The following WHR1 variants were observed in gnomAD, a reference collection of about 807,000 sequenced individuals.
WHR1 encodes the protein winged helix repair factor 1.
chr6:31,979,400 A>G, the WHR1 span: 1 of 1,612,796 alleles, frequency 6.2e-7, no homozygotes, highest in African/African-American at 1.3e-5. Flanking sequence ...CATGTCTCTC[A>G]TCTCTGCTTG....
chr6:31,980,965 C>T, the WHR1 span: 2 of 613,228 alleles, frequency 3.3e-6, no homozygotes, highest in Non-Finnish European at 5.4e-6. Context: ...CAGCTTGAGC[C>T]TAGGCGTCTG....
the WHR1 span, chr6:31,972,341 C>G: frequency 1.8e-5 from 29 of 1,613,140 alleles, 2 homozygotes; most frequent in South Asian, 3.2e-4. The surrounding 1 kb of genome is among the most constrained non-coding windows in gnomAD (Gnocchi z 6.3). Context: ...TGCTCTGCGC[C>G]GGAAGACCCT....
At chr6:31,974,533 C>T in the WHR1 span, among the ~76,000 whole-genome samples, 1 of 152,176 alleles carries the variant, frequency 6.6e-6, no homozygotes, top group East Asian at 1.9e-4. Context: ...GCCTGGGCAA[C>T]AAAGTGAGAC....
the WHR1 span, among the ~76,000 whole-genome samples, chr6:31,978,578 C>T: frequency 1.3e-5 from 2 of 152,226 alleles, no homozygotes; most frequent in African/African-American, 4.8e-5. Flanking sequence ...CTCCTCCCCA[C>T]CTTACCCTAC....
the WHR1 span, among the ~76,000 whole-genome samples, chr6:31,978,646 A>G: frequency 6.6e-6 from 1 of 152,196 alleles, no homozygotes; most frequent in Admixed American, 6.5e-5. Flanking sequence ...TCACTATTTT[A>G]TCTTAGTGCC....
chr6:31,979,654 GA>G, the WHR1 span: 1 of 1,487,800 alleles, frequency 6.7e-7, no homozygotes, highest in African/African-American at 1.4e-5. Context: ...GAACCTGCCA[GA>G]AAAGCTGCCA....
chr6:31,973,092 A>G, the WHR1 span: 132 of 561,964 alleles, frequency 2.3e-4, 3 homozygotes, highest in South Asian at 2.1e-3. Flanking sequence ...GGGCTGGTAG[A>G]GAATATCATA....
chr6:31,971,498 A>ACG, the WHR1 span: 8 of 1,614,066 alleles, frequency 5.0e-6, no homozygotes, highest in East Asian at 1.8e-4. This position sits in a 1 kb window ranked among gnomAD's most constrained non-coding sequence, Gnocchi z 4.5. Flanking sequence ...TCTCCATGGT[A>ACG]CTGGCGTTGA....
chr6:31,980,312 C>G, the WHR1 span: 3 of 770,368 alleles, frequency 3.9e-6, no homozygotes, highest in Non-Finnish European at 6.1e-6. Flanking sequence ...AGAACCACCC[C>G]AGGCTGGGAT....
chr6:31,973,000 T>C, the WHR1 span: 9 of 729,502 alleles, frequency 1.2e-5, no homozygotes, highest in African/African-American at 1.4e-4. The surrounding 1 kb of genome is among the most constrained non-coding windows in gnomAD (Gnocchi z 6.3). Flanking sequence ...GGTTCGAACA[T>C]ACAGCGCTGG....
At chr6:31,979,746 CT>C in the WHR1 span, 1 of 643,446 alleles carries the variant, frequency 1.6e-6, no homozygotes, top group Non-Finnish European at 2.5e-6. Flanking sequence ...TTACCTGGGC[CT>C]TAGAAAGAGC....
At chr6:31,976,851 G>A in the WHR1 span, among the ~76,000 whole-genome samples, 10 of 152,210 alleles carry the variant, frequency 6.6e-5, no homozygotes, top group Non-Finnish European at 1.0e-4. Context: ...AGACCAGCCC[G>A]GCCAACACAG....
the WHR1 span, chr6:31,971,928 C>T: frequency 3.2e-6 from 5 of 1,543,400 alleles, no homozygotes; most frequent in Non-Finnish European, 4.4e-6. This position sits in a 1 kb window ranked among gnomAD's most constrained non-coding sequence, Gnocchi z 4.5. Context: ...AATCCAGTTA[C>T]CTCAAAGCTC....
the WHR1 span, among the ~76,000 whole-genome samples, chr6:31,975,202 T>C: frequency 9.0e-5 from 11 of 122,734 alleles, no homozygotes; most frequent in Admixed American, 5.8e-4. Context: ...TAGTTTTCCC[T>C]TTTTTTTTTT....
the WHR1 span, among the ~76,000 whole-genome samples, chr6:31,977,199 G>T: frequency 6.6e-6 from 1 of 151,378 alleles, no homozygotes; most frequent in Admixed American, 6.6e-5. Context: ...TTGAGACAGT[G>T]TCTTACCCTG....
At chr6:31,974,010 G>A in the WHR1 span, among the ~76,000 whole-genome samples, 6 of 152,152 alleles carry the variant, frequency 3.9e-5, no homozygotes, top group Non-Finnish European at 7.3e-5. Context: ...AGAGGCCGGC[G>A]CGGTGGCTCA....
At chr6:31,972,002 A>G in the WHR1 span, 1 of 1,603,220 alleles carries the variant, frequency 6.2e-7, no homozygotes, top group African/African-American at 1.3e-5. This position sits in a 1 kb window ranked among gnomAD's most constrained non-coding sequence, Gnocchi z 6.3. Flanking sequence ...GAAGGATGCA[A>G]AAGTGGTTTT....
the WHR1 span, chr6:31,980,353 C>T: frequency 1.3e-5 from 15 of 1,120,350 alleles, no homozygotes; most frequent in Non-Finnish European, 1.8e-5. Context: ...GCATGGTTGC[C>T]CGTGTTTCTG....
chr6:31,976,818 G>T, the WHR1 span, among the ~76,000 whole-genome samples: 1 of 152,246 alleles, frequency 6.6e-6, no homozygotes, highest in African/African-American at 2.4e-5. Context: ...GAGGCTGGCG[G>T]ATCACTCGCG....
Sources: gnomAD v4.1 joint callset for allele counts (sites outside exome capture counted in the v4.1 genomes callset) on GRCh38, gnomAD v4.1.1 for gene constraint, Gnocchi (gnomAD v3.1) non-coding constraint, MANE v1.5 for transcripts, NCBI Gene and HGNC (gene_info 2026-07-23, HGNC 2026-07-21) for gene names.